GRID2: variants seen among roughly 807,000 people sequenced by gnomAD.
The protein encoded by GRID2 is glutamate receptor ionotropic, delta-2.
In GRID2, 33 loss-of-function variants were observed where a neutral mutation model predicts 114.8. That is an observed-to-expected ratio of 0.29 (90% CI 0.22 to 0.38). The LOEUF (loss-of-function observed/expected upper bound fraction) is 0.38. GRID2 is among the 10% of genes least tolerant of loss of function. GRID2 has a pLI of 1.00. For synonymous variants in GRID2, 505 were observed against 449.9 expected (o/e 1.12, Z -1.55); for missense variants, 1,184 against 1,257.7 (o/e 0.94, Z 0.89).
intron 2 of GRID2, among the ~76,000 whole-genome samples, chr4:92,976,543 G>T (rs1354303250): frequency 6.6e-6 from 1 of 151,724 alleles, no homozygotes; most frequent in African/African-American, 2.4e-5. Context: ...TTAATTCTGG[G>T]ATATTTTGCC....
At chr4:92,653,170 T>A (rs1732054136) in intron 2 of GRID2, among the ~76,000 whole-genome samples, 1 of 150,304 alleles carries the variant, frequency 6.7e-6, no homozygotes, top group Non-Finnish European at 1.5e-5. Flanking sequence ...GCTAATTTTT[T>A]TGTATTTTTA....
chr4:93,083,531 A>C (rs1730061468), intron 2 of GRID2, among the ~76,000 whole-genome samples: 1 of 151,738 alleles, frequency 6.6e-6, no homozygotes, highest in Admixed American at 6.6e-5. Context: ...GTCTCTACTA[A>C]AAACACACAA....
intron 11 of GRID2, among the ~76,000 whole-genome samples, chr4:93,457,776 T>C (rs1451084570): frequency 6.6e-6 from 1 of 152,122 alleles, no homozygotes; most frequent in African/African-American, 2.4e-5. Flanking sequence ...TAGAAAATTA[T>C]GTATATTGGA....
chr4:92,833,255 AG>A, intron 2 of GRID2, among the ~76,000 whole-genome samples: 1 of 152,326 alleles, frequency 6.6e-6, no homozygotes, highest in Admixed American at 6.5e-5. Context: ...ATGGACTTTA[AG>A]TAGTTTTCCA....
At chr4:92,951,036 C>CT (rs754855125) in intron 2 of GRID2, among the ~76,000 whole-genome samples, 107 of 152,250 alleles carry the variant, frequency 7.0e-4, no homozygotes, top group Non-Finnish European at 1.4e-3. Flanking sequence ...AAAGGAAACT[C>CT]TTTAACCAAT....
At chr4:93,543,010 C>G (rs1732805923) in intron 13 of GRID2, among the ~76,000 whole-genome samples, 1 of 152,172 alleles carries the variant, frequency 6.6e-6, no homozygotes, top group South Asian at 2.1e-4. Flanking sequence ...ATTTCTACCT[C>G]AAGCCTTGAT....
intron 2 of GRID2, among the ~76,000 whole-genome samples, chr4:92,668,660 A>G (rs1732903130): frequency 6.6e-6 from 1 of 151,852 alleles, no homozygotes; most frequent in African/African-American, 2.4e-5. Context: ...ATCTGATTAA[A>G]TGTAGTAGAG....
At chr4:93,431,669 A>G (rs1388481913) in intron 10 of GRID2, among the ~76,000 whole-genome samples, 2 of 152,164 alleles carry the variant, frequency 1.3e-5, no homozygotes, top group African/African-American at 4.8e-5. Context: ...TTTTTCAGAA[A>G]TTTTAGATGG....
chr4:93,795,761 G>A (rs1734783988), intron 1 of GRID2, among the ~76,000 whole-genome samples: 1 of 152,206 alleles, frequency 6.6e-6, no homozygotes, highest in Non-Finnish European at 1.5e-5. Flanking sequence ...TAATGCTACA[G>A]GTCTTAAATG....
intron 13 of GRID2, among the ~76,000 whole-genome samples, chr4:93,593,634 A>G (rs1738671713): frequency 6.6e-6 from 1 of 151,512 alleles, no homozygotes; most frequent in Non-Finnish European, 1.5e-5. Flanking sequence ...CTCCAGGATA[A>G]TATCCTGCAG....
chr4:92,703,615 CAT>C (rs1734788994), intron 2 of GRID2, among the ~76,000 whole-genome samples: 1 of 66,116 alleles, frequency 1.5e-5, no homozygotes, highest in Admixed American at 1.8e-4. Context: ...TGAGGAAAAA[CAT>C]TATATATATA....
At chr4:92,896,107 T>A (rs1170548380) in intron 2 of GRID2, among the ~76,000 whole-genome samples, 1 of 152,216 alleles carries the variant, frequency 6.6e-6, no homozygotes, top group Non-Finnish European at 1.5e-5. Context: ...CCTATGTAAG[T>A]ATAATTGTGC....
At chr4:92,550,613 A>G (rs1007238110) in intron 1 of GRID2, among the ~76,000 whole-genome samples, 1 of 152,182 alleles carries the variant, frequency 6.6e-6, no homozygotes, top group South Asian at 2.1e-4. Context: ...TGAGGCTTGA[A>G]GAGCTTGCTC....
intron 14 of GRID2, among the ~76,000 whole-genome samples, chr4:93,731,845 G>C (rs1025779211): frequency 2.0e-5 from 3 of 152,146 alleles, no homozygotes; most frequent in African/African-American, 7.2e-5. Context: ...CCTGGGCCTT[G>C]ACAGTCCTCA....
intron 1 of GRID2, among the ~76,000 whole-genome samples, chr4:92,548,173 C>G (rs1366202831): frequency 6.6e-6 from 1 of 151,986 alleles, no homozygotes; most frequent in Non-Finnish European, 1.5e-5. Flanking sequence ...AAAATCAAGA[C>G]TTCTCAATTA....
chr4:92,788,726 A>G (rs1739437765), intron 2 of GRID2, among the ~76,000 whole-genome samples: 1 of 151,886 alleles, frequency 6.6e-6, no homozygotes, highest in East Asian at 1.9e-4. Flanking sequence ...GGACATTATT[A>G]TCTATCTTAA....
chr4:93,347,138 T>G (rs1347410507), intron 8 of GRID2, among the ~76,000 whole-genome samples: 1 of 152,024 alleles, frequency 6.6e-6, no homozygotes, highest in African/African-American at 2.4e-5. Flanking sequence ...TCTGCTTGCT[T>G]TCACACCAGG....
In GRID2 at chr4:93,769,407, C is replaced by T. The variant is rs755122604; in HGVS notation, c.2558C>T (p.Thr853Met). Residue 853 changes from threonine to methionine, a missense_variant, in exon 15 of 16, where the codon ACG becomes ATG. By Grantham distance (81) the Thr-to-Met change is moderately conservative. This residue lies in a region of GRID2 where 717 missense variants were observed against 796.9 expected (regional missense o/e 0.90). Transcript: ENST00000282020. ...TCCTGCTTCATAGCCATGCTGGAGA[C>T]GTGGTGGAACAAGAGGAAAGGCTCC... ...VLSCFIAMLE[T>M]WWNKRKGSRV... The T allele has an allele frequency of 5.2e-5, 84 of 1,613,394 alleles. No individual in the cohort carries two copies. The highest frequency in any genetic ancestry group is 1.6e-4 in the Middle Eastern group (1 of 6,062).
At chr4:92,677,904 G>A (rs1052705315) in intron 2 of GRID2, among the ~76,000 whole-genome samples, 3 of 151,956 alleles carry the variant, frequency 2.0e-5, no homozygotes, top group African/African-American at 7.3e-5. Flanking sequence ...ATCAGATCAT[G>A]CTCCTTCACT....
Sources: allele counts gnomAD v4.1 joint callset (sites outside exome capture counted in the v4.1 genomes callset), GRCh38; gene constraint gnomAD v4.1.1; regional missense constraint gnomAD v4.1.1; transcripts MANE v1.5; gene names NCBI Gene and HGNC (gene_info 2026-07-23, HGNC 2026-07-21).